ARHGAP5: variants seen among roughly 807,000 people sequenced by gnomAD.
ARHGAP5 encodes Rho GTPase activating protein 5.
ARHGAP5 carries 23 observed loss-of-function variants against 116.6 expected under a neutral mutation model. That is an observed-to-expected ratio of 0.20 (90% confidence interval 0.14 to 0.28). The LOEUF is 0.28. ARHGAP5 is among the 10% of genes least tolerant of loss of function. The pLI, the probability that ARHGAP5 is intolerant of heterozygous loss-of-function variation, is 1.00. For synonymous variants in ARHGAP5, 574 were observed against 602.0 expected (o/e 0.95, Z 0.68); for missense variants, 1,405 against 1,774.8 (o/e 0.79, Z 3.74).
chr14:32,090,986 C>A lies in ARHGAP5; in HGVS notation c.317C>A (p.Pro106His). ...TTCATTGATGACCAGACTTTCTTGCCTCATCGGAGTACGAATTTGCAACCA... is the reference window on the plus strand; with the variant it reads ...TTCATTGATGACCAGACTTTCTTGCATCATCGGAGTACGAATTTGCAACCA... ...TEFIDDQTFL[P>H]HRSTNLQPYI... Residue 106 changes from proline to histidine, a missense_variant, in exon 2 of 7, where the codon CCT (proline) becomes CAT (histidine). Pro to His is a moderately conservative substitution (Grantham distance 77). Coordinates refer to ENST00000345122, the MANE Select transcript of ARHGAP5 (RefSeq NM_001030055.2). 1 of 1,613,614 alleles carries A rather than the reference C, an allele frequency of 6.2e-7. No homozygotes were observed. The highest frequency in any genetic ancestry group is 8.5e-7 in the Non-Finnish European group (1 of 1,179,652).
intron 1 of ARHGAP5, among the ~76,000 whole-genome samples, chr14:32,083,286 A>T (rs1179474210): frequency 1.3e-5 from 2 of 152,256 alleles, no homozygotes; most frequent in South Asian, 4.1e-4. Context: ...ATATTTTGTG[A>T]TATGTGAAAA....
chr14:32,116,512 G>C (rs929124636), intron 2 of ARHGAP5, among the ~76,000 whole-genome samples: 2 of 152,034 alleles, frequency 1.3e-5, no homozygotes, highest in Admixed American at 1.3e-4. Flanking sequence ...AGAATGGCGT[G>C]AACCCGGGAG....
At position 32,095,335 on chromosome 14, in the gene ARHGAP5, A is replaced by T. The variant is rs544179115; in HGVS notation, c.3717+949A>T. ...TGAATAGAATCTGCTTTATTTTCTA[A>T]GTTTAAGTTAAAGTATTACCTTTTT... is the stretch of plus-strand genomic sequence containing the variant. On this transcript the variant is annotated intron_variant, in intron 2 of 6. Coordinates refer to ENST00000345122, the MANE Select transcript of ARHGAP5 (RefSeq NM_001030055.2). Among the ~76,000 whole-genome samples, 8 of 151,892 alleles carry T rather than the reference A, an allele frequency of 5.3e-5. No homozygotes were observed. The East Asian group carries it at 1.5e-3, about 29-fold the overall frequency.
intron 3 of ARHGAP5, among the ~76,000 whole-genome samples, chr14:32,140,965 A>G (rs1289677684): frequency 6.6e-6 from 1 of 152,120 alleles, no homozygotes; most frequent in Non-Finnish European, 1.5e-5. Flanking sequence ...CAATTCTGTC[A>G]GTTTTTGCCT....
intron 3 of ARHGAP5, among the ~76,000 whole-genome samples, chr14:32,131,830 C>A (rs139085406): frequency 6.6e-6 from 1 of 152,098 alleles, no homozygotes; most frequent in Admixed American, 6.6e-5. Context: ...TGAGAACATG[C>A]GGTGTTTGGT....
intron 2 of ARHGAP5, among the ~76,000 whole-genome samples, chr14:32,111,047 A>G (rs1345156246): frequency 6.6e-6 from 1 of 152,220 alleles, no homozygotes. Flanking sequence ...CGCTGGAAGT[A>G]ATAATTTAGC....
At chr14:32,139,889 G>A (rs1045190669) in intron 3 of ARHGAP5, among the ~76,000 whole-genome samples, 6 of 148,516 alleles carry the variant, frequency 4.0e-5, no homozygotes, top group African/African-American at 1.2e-4. Context: ...TCATGTCAAA[G>A]TATTTTCTTT....
In ARHGAP5 at chr14:32,092,863, G is replaced by C; in HGVS notation, c.2194G>C (p.Val732Leu). Residue 732 changes from valine to leucine, a missense_variant, in exon 2 of 7, where the codon GTA (valine) becomes CTA (leucine). Around this residue, in one of 6 missense-constraint regions of ARHGAP5, gnomAD observed 944 missense variants for 1,095.3 expected, o/e 0.86. Coordinates refer to ENST00000345122, the MANE Select transcript of ARHGAP5 (RefSeq NM_001030055.2). The surrounding 1 kb of genome is among the most constrained non-coding windows in gnomAD (Gnocchi z 4.1). ...CAAGTTGCAATGTCCTTTTGTAGAT[G>C]TACCTGCTGGTACATATCCTCGTAA... ...ANKLQCPFVD[V>L]PAGTYPRKFN... The C allele has an allele frequency of 6.2e-7, 1 of 1,613,998 alleles. No homozygotes were observed. Among genetic ancestry groups the C allele is most frequent in the Non-Finnish European group, 8.5e-7 (1 of 1,179,930 alleles).
chr14:32,137,042 T>C (rs1880841059), intron 3 of ARHGAP5, among the ~76,000 whole-genome samples: 1 of 151,954 alleles, frequency 6.6e-6, no homozygotes, highest in East Asian at 1.9e-4. Flanking sequence ...CTTGATAATA[T>C]CTTTTAATAT....
intron 2 of ARHGAP5, among the ~76,000 whole-genome samples, chr14:32,102,786 T>C (rs1479391665): frequency 6.6e-6 from 1 of 152,206 alleles, no homozygotes; most frequent in African/African-American, 2.4e-5. Flanking sequence ...AAAGAACTGT[T>C]CATGTGTTTA....
Position 32,105,378 on chromosome 14 carries a change from A to G in ARHGAP5, c.3717+10992A>G, listed in dbSNP as rs1385620033. Among the ~76,000 whole-genome samples, 6 of 152,066 alleles carry G rather than the reference A, an allele frequency of 3.9e-5. No homozygotes were observed. The East Asian group carries it at 1.2e-3, about 29-fold the overall frequency. On this transcript the variant is annotated intron_variant, in intron 2 of 6. Coordinates refer to ENST00000345122, the MANE Select transcript of ARHGAP5 (RefSeq NM_001030055.2). ...GTTGCTTCCGTTCCATTTTCATACT[A>G]GTTGAGGTTGTCATTATTTCTTACC...
chr14:32,107,996 A>G (rs1036660654), intron 2 of ARHGAP5, among the ~76,000 whole-genome samples: 2 of 152,212 alleles, frequency 1.3e-5, no homozygotes, highest in Admixed American at 6.5e-5. Context: ...GAGAAAAGCT[A>G]GTGAAGAGTA....
chr14:32,152,122 C>T (rs1348110484), intron 5 of ARHGAP5, among the ~76,000 whole-genome samples: 2 of 152,116 alleles, frequency 1.3e-5, no homozygotes, highest in Non-Finnish European at 1.5e-5. Flanking sequence ...GTGAACCACG[C>T]ATGCAGGGGA....
chr14:32,130,529 G>C (rs1880429551), intron 3 of ARHGAP5, among the ~76,000 whole-genome samples: 1 of 141,328 alleles, frequency 7.1e-6, no homozygotes, highest in South Asian at 2.2e-4. Context: ...ACCTGGCATT[G>C]ATTGATTGAT....
chr14:32,085,323 G>C (rs1415075858), intron 1 of ARHGAP5, among the ~76,000 whole-genome samples: 1 of 151,992 alleles, frequency 6.6e-6, no homozygotes, highest in Non-Finnish European at 1.5e-5. Flanking sequence ...GGTGGTGCAT[G>C]CCTAGAGTCC....
chr14:32,140,084 T>A (rs1881024094), intron 3 of ARHGAP5, among the ~76,000 whole-genome samples: 1 of 109,820 alleles, frequency 9.1e-6, no homozygotes, highest in African/African-American at 3.5e-5. Context: ...TTTTTTTTTT[T>A]AGGTTATTTG....
At chr14:32,140,094 G>GTTTTTTTTTTTTTTTTTTTTT (rs1566681674) in intron 3 of ARHGAP5, among the ~76,000 whole-genome samples, 3 of 32,448 alleles carry the variant, frequency 9.2e-5, no homozygotes, top group African/African-American at 1.4e-4. Context: ...TAGGTTATTT[G>GTTTTTTTTTTTTTTTTTTTTT]TTCTTTTTTT....
At chr14:32,144,193 A>G (rs1881266754) in intron 3 of ARHGAP5, among the ~76,000 whole-genome samples, 1 of 152,236 alleles carries the variant, frequency 6.6e-6, no homozygotes, top group African/African-American at 2.4e-5. Context: ...CAACTGGGAT[A>G]TATAGATATA....
At chr14:32,082,682 G>A (rs553631128) in intron 1 of ARHGAP5, among the ~76,000 whole-genome samples, 91 of 152,260 alleles carry the variant, frequency 6.0e-4, no homozygotes, top group African/African-American at 2.1e-3. Context: ...TGGGATTACA[G>A]GCACACGCCA....
Sources: gnomAD v4.1 joint callset for allele counts (sites outside exome capture counted in the v4.1 genomes callset) on GRCh38, gnomAD v4.1.1 for gene constraint, gnomAD v4.1.1 regional missense constraint, Gnocchi (gnomAD v3.1) non-coding constraint, MANE v1.5 for transcripts, NCBI Gene and HGNC (gene_info 2026-07-23, HGNC 2026-07-21) for gene names.